Variants in SFI1 observed in about 807,000 individuals in gnomAD.
SFI1 encodes protein SFI1 homolog.
SFI1 carries 195 observed loss-of-function variants against 207.5 expected under a neutral mutation model. That is an observed-to-expected ratio of 0.94 (90% CI 0.84 to 1.06). The LOEUF (loss-of-function observed/expected upper bound fraction) is 1.06. Among genes scored for constraint, SFI1 ranks in the 50% least tolerant of loss-of-function variants. SFI1 has a pLI of 0.00. For missense variants in SFI1, 1,634 were observed against 1,588.0 expected, an observed-to-expected ratio of 1.03 and a Z score of -0.49; for synonymous variants, 630 against 598.9, an observed-to-expected ratio of 1.05 and a Z score of -0.76.
Position 31,602,642 on chromosome 22 carries a change from G to T in SFI1, c.1662G>T (p.Arg554Ser). The change falls in exon 17 of 33, where the codon AGG (arginine) becomes AGT (serine). Residue 554 changes from arginine to serine, a missense_variant. Transcript: ENST00000400288. Reference sequence around the variant, plus strand: ...ACGCAGAGCGACAGCTTCTGTATAGGTCTTGGTTCATGTGGCACCAGCAGG... The same window carrying T: ...ACGCAGAGCGACAGCTTCTGTATAGTTCTTGGTTCATGTGGCACCAGCAGG... ...ILHAERQLLY[R>S]SWFMWHQQAA... 6.2e-7 allele frequency: 1 copy of T among 1,614,172 alleles called. No homozygotes were observed. The highest frequency in any genetic ancestry group is 1.1e-5 in the South Asian group (1 of 91,084).
chr22:31,608,033 G>T lies in SFI1; in HGVS notation c.2254G>T (p.Gly752Cys). ...GGAGGCCCAGAAGGTGCTGGACAGG[G>T]GTAAGTGGGGCCCCAGAAGCAAGTC... ...IWEAQKVLDR[G>C]CLRTWFQRWW... Residue 752 changes from glycine (G) to cysteine (C), a missense_variant and splice_region_variant, in exon 22 of 33, where the codon GGC (glycine) becomes TGC (cysteine). Coordinates refer to ENST00000400288, the MANE Select transcript of SFI1 (RefSeq NM_001007467.3). The T allele has an allele frequency of 1.2e-6, 2 of 1,613,598 alleles. No individual in the cohort carries two copies. The highest frequency in any genetic ancestry group is 1.7e-5 in the Admixed American group (1 of 60,016).
chr22:31,565,116 C>A (rs1259506941), intron 8 of SFI1, among the ~76,000 whole-genome samples: 1 of 151,948 alleles, frequency 6.6e-6, no homozygotes, highest in Non-Finnish European at 1.5e-5. Context: ...AGCCACCGTG[C>A]CCGGCCCAGA....
intron 12 of SFI1, among the ~76,000 whole-genome samples, chr22:31,582,895 G>A (rs1335289827): frequency 6.6e-6 from 1 of 152,072 alleles, no homozygotes; most frequent in Non-Finnish European, 1.5e-5. Flanking sequence ...GGACAGGCCA[G>A]TTATTTTGTT....
intron 2 of SFI1, among the ~76,000 whole-genome samples, chr22:31,522,956 A>C (rs1003638456): frequency 6.6e-6 from 1 of 152,108 alleles, no homozygotes; most frequent in African/African-American, 2.4e-5. Flanking sequence ...ACCCGGCCTT[A>C]TTCCTTTTTA....
At chr22:31,573,339 A>G (rs1603028798) in intron 9 of SFI1, 125 bp downstream of exon 9, 2 of 897,206 alleles carry the variant, frequency 2.2e-6, no homozygotes, top group Non-Finnish European at 3.2e-6. Flanking sequence ...GTAAAAGGAG[A>G]TTAAGGAGGA....
At chr22:31,609,001 GTC>G (rs1350563535) in intron 22 of SFI1, among the ~76,000 whole-genome samples, 11 of 151,760 alleles carry the variant, frequency 7.2e-5, no homozygotes, top group Admixed American at 7.2e-4. Context: ...ATGAGACCCA[GTC>G]TCTCTCTTTT....
chr22:31,566,004 G>A (rs1172824178), intron 8 of SFI1, among the ~76,000 whole-genome samples: 3 of 151,322 alleles, frequency 2.0e-5, no homozygotes, highest in Admixed American at 2.0e-4. Flanking sequence ...TATTAACTGT[G>A]TATATTATGC....
At chr22:31,502,475 G>A (rs1335516926) in intron 1 of SFI1, among the ~76,000 whole-genome samples, 1 of 151,846 alleles carries the variant, frequency 6.6e-6, no homozygotes, top group African/African-American at 2.4e-5. Context: ...CTGGGTTCAA[G>A]CGATTCTCCT....
At position 31,594,285 on chromosome 22, in the gene SFI1, C is replaced by T. The variant is rs187320455; in HGVS notation, c.1544+4708C>T. ...AAAGGTCGGGCCGGGTGCAGTGGCT[C>T]ACACCTGTAATCCCAGCACTTTGGG... On this transcript the variant is annotated intron_variant, in intron 15 of 32. Transcript: ENST00000400288. Among the ~76,000 whole-genome samples, 160 of 152,242 alleles carry T rather than the reference C, an allele frequency of 1.1e-3. 1 individual carries two copies. The highest frequency in any genetic ancestry group is 3.6e-3 in the African/African-American group (151 of 41,548).
At chr22:31,573,996 T>G (rs535852844) in intron 9 of SFI1, among the ~76,000 whole-genome samples, 167 of 152,362 alleles carry the variant, frequency 1.1e-3, no homozygotes, top group Non-Finnish European at 2.0e-3. Context: ...TGTCTCCAGT[T>G]ATGCAAATGC....
chr22:31,581,765 A>G (rs2064205349), intron 12 of SFI1, among the ~76,000 whole-genome samples: 1 of 152,154 alleles, frequency 6.6e-6, no homozygotes, highest in Admixed American at 6.6e-5. Flanking sequence ...ATACAGAAAA[A>G]TAGGAAAAAA....
Position 31,546,917 on chromosome 22 carries a change from G to A in SFI1, c.395G>A (p.Trp132Ter). 1 of 1,612,478 alleles carries A rather than the reference G, an allele frequency of 6.2e-7. No individual in the cohort carries two copies. The highest frequency in any genetic ancestry group is 1.1e-5 in the South Asian group (1 of 90,576). The stretch of plus-strand genomic sequence containing the variant: ...GTCTTCGAAGAATGGAAAGAGGAGT[G>A]GTGGGTTTTCCAGCACGAGTGGAAA... The part of the protein sequence containing the change: ...RKVFEEWKEE[W>*]WVFQHEWKLC... Residue 132 changes from tryptophan (W) to a stop codon, truncating the protein, a stop_gained, in exon 5 of 33, where the codon TGG (tryptophan) becomes TAG (stop). Coordinates refer to ENST00000400288, the MANE Select transcript of SFI1 (RefSeq NM_001007467.3). LOFTEE classifies it high-confidence loss of function.
intron 12 of SFI1, among the ~76,000 whole-genome samples, chr22:31,582,305 T>G (rs1461678092): frequency 7.6e-6 from 1 of 131,396 alleles, no homozygotes; most frequent in Non-Finnish European, 1.6e-5. Flanking sequence ...TGGAGTGCAG[T>G]AAGTAGCTTG....
At position 31,580,337 on chromosome 22, in the gene SFI1, T is replaced by A; in HGVS notation, c.1221T>A (p.Asn407Lys). 1 of 1,613,958 alleles carries A rather than the reference T, an allele frequency of 6.2e-7. No individual in the cohort carries two copies. The highest frequency in any genetic ancestry group is 1.3e-5 in the African/African-American group (1 of 75,026). ...CTCATCTCCAGCAAATAAGAAGGAA[T>A]CTTGCTCACCAGCAGCATGGTGTCA... ...THAHLQQIRR[N>K]LAHQQHGVTL... is the part of the protein sequence containing the mutation. The change falls in exon 12 of 33, where the codon AAT becomes AAA. Residue 407 changes from asparagine to lysine, a missense_variant. By Grantham distance (94) the Asn-to-Lys change is moderately conservative. Coordinates refer to ENST00000400288, the MANE Select transcript of SFI1 (RefSeq NM_001007467.3).
chr22:31,577,587 G>C (rs1290082597), intron 10 of SFI1, among the ~76,000 whole-genome samples: 1 of 152,102 alleles, frequency 6.6e-6, no homozygotes, highest in Non-Finnish European at 1.5e-5. Context: ...GGGTTTTTAA[G>C]AAGAGAAGAG....
Position 31,604,473 on chromosome 22 carries a change from C to T in SFI1, c.1977+69C>T, listed in dbSNP as rs878880179. 10 of 1,267,676 alleles carry T rather than the reference C, an allele frequency of 7.9e-6. No individual in the cohort carries two copies. The South Asian group carries it at 1.1e-4, about 14-fold the overall frequency. 78.5% of individuals were successfully genotyped at this position (1,267,676 alleles called of 1,614,324 possible). A position where few individuals can be genotyped will look rare whatever the true frequency, so the allele number is the denominator to read the frequency against. On this transcript the variant is annotated intron_variant, in intron 19 of 32. Transcript: ENST00000400288. Reference sequence around the variant, plus strand: ...GGAGGTTTCTGGAGACTTTGTTTTCCTTCCTTGTTCTTCCTGTCCGTCCCA... The same window carrying T: ...GGAGGTTTCTGGAGACTTTGTTTTCTTTCCTTGTTCTTCCTGTCCGTCCCA...
At chr22:31,599,786 T>G (rs1756148605) in intron 15 of SFI1, among the ~76,000 whole-genome samples, 1 of 152,004 alleles carries the variant, frequency 6.6e-6, no homozygotes, top group Non-Finnish European at 1.5e-5. Flanking sequence ...CAGTTCTGTT[T>G]AGAATTAATA....
chr22:31,559,517 T>C, intron 7 of SFI1: 1 of 545,616 alleles, frequency 1.8e-6, no homozygotes. Context: ...TTCCAGCGTA[T>C]TTTGCGAATA....
chr22:31,595,055 G>A (rs542116236), intron 15 of SFI1, among the ~76,000 whole-genome samples: 1 of 151,982 alleles, frequency 6.6e-6, no homozygotes, highest in East Asian at 1.9e-4. Context: ...GGCATGCAGT[G>A]GCACCATCTT....
Sources: gnomAD v4.1 joint callset for allele counts (sites outside exome capture counted in the v4.1 genomes callset) on GRCh38, gnomAD v4.1.1 for gene constraint, MANE v1.5 for transcripts, NCBI Gene and HGNC (gene_info 2026-07-23, HGNC 2026-07-21) for gene names.